MATN3: variants seen among roughly 807,000 people sequenced by gnomAD.
The protein encoded by MATN3 is matrilin 3, also known as matrilin-3.
MATN3 carries 48 observed loss-of-function variants against 45.3 expected under a neutral mutation model. That is an observed-to-expected ratio of 1.06 (90% CI 0.84 to 1.35). MATN3 has a LOEUF of 1.35. Among genes scored for constraint, MATN3 ranks in the 40% most tolerant of loss-of-function variants. The pLI, the probability that MATN3 is intolerant of heterozygous loss-of-function variation, is 0.00. For missense variants in MATN3, 599 were observed against 628.0 expected, an observed-to-expected ratio of 0.95 and a Z score of 0.49; for synonymous variants, 217 against 245.9, an observed-to-expected ratio of 0.88 and a Z score of 1.10.
chr2:20,008,284 T>C (rs1673151190), intron 1 of MATN3, among the ~76,000 whole-genome samples: 1 of 152,102 alleles, frequency 6.6e-6, no homozygotes, highest in South Asian at 2.1e-4. Flanking sequence ...TTTCAAGTCA[T>C]TCCCCCTTCT....
At chr2:20,010,192 G>A (rs1381477464) in intron 1 of MATN3, among the ~76,000 whole-genome samples, 1 of 150,444 alleles carries the variant, frequency 6.6e-6, no homozygotes, top group East Asian at 2.0e-4. Context: ...AAGTATTTTT[G>A]TATAATTAGA....
chr2:19,996,955 A>G (rs1672882367), intron 6 of MATN3, among the ~76,000 whole-genome samples, 179 bp downstream of exon 6: 1 of 152,216 alleles, frequency 6.6e-6, no homozygotes. Context: ...GAAACAGATC[A>G]TGGAGGGTAG....
intron 2 of MATN3, chr2:20,003,896 TC>T (rs1424040331): frequency 6.6e-6 from 1 of 152,204 alleles, no homozygotes; most frequent in Non-Finnish European, 1.5e-5. Context: ...CATAGTGAAC[TC>T]ATATGCTAAT....
At chr2:19,998,783 T>C (rs1572381800) in intron 5 of MATN3, among the ~76,000 whole-genome samples, 1 of 151,028 alleles carries the variant, frequency 6.6e-6, no homozygotes, top group Non-Finnish European at 1.5e-5. Context: ...AAAATATATA[T>C]ATATATAACT....
intron 5 of MATN3, 190 bp from the exon 6 acceptor site, chr2:19,997,449 C>G (rs1672898539): frequency 1.9e-6 from 1 of 535,946 alleles, no homozygotes; most frequent in Non-Finnish European, 3.3e-6. Context: ...TCCCTTTGGC[C>G]TCACATCACA....
chr2:20,000,416 A>T, intron 5 of MATN3, 25 bp downstream of exon 5: 2 of 1,583,476 alleles, frequency 1.3e-6, no homozygotes, highest in Non-Finnish European at 1.7e-6. Flanking sequence ...CCCAAGTATG[A>T]AAGAATTTTT....
intron 5 of MATN3, chr2:19,999,328 A>G (rs3795965): frequency 0.085 from 13,003 of 152,208 alleles, 645 homozygotes; most frequent in East Asian, 0.23. Flanking sequence ...TGAACAAATC[A>G]GCTCAAGCCA....
In MATN3 at chr2:20,003,209, C is replaced by T. The variant is rs1027447274; in HGVS notation, c.868G>A (p.Glu290Lys). 8.7e-6 allele frequency: 14 copies of T among 1,613,896 alleles called. No homozygotes were observed. The Admixed American group carries it at 1.5e-4, about 17-fold the overall frequency. ...TTCAAGGTGTATCCTTGGCTACACT[C>T]ACAGTGGTGCTTGCCTTCCCCATCA... Reference protein sequence around the residue: ...ISDGEGKHHCECSQGYTLNAD... With the variant: ...ISDGEGKHHCKCSQGYTLNAD... Residue 290 changes from glutamate to lysine, a missense_variant, in exon 3 of 8, where the codon GAG (glutamate) becomes AAG (lysine). Transcript: ENST00000407540.
At chr2:19,994,958 C>T (rs1672834489) in intron 6 of MATN3, among the ~76,000 whole-genome samples, 1 of 152,082 alleles carries the variant, frequency 6.6e-6, no homozygotes, top group African/African-American at 2.4e-5. Context: ...GGCATAGTGG[C>T]ACACACCTGT....
chr2:19,993,242 A>T, intron 7 of MATN3, 76 bp from the exon 8 acceptor site: 1 of 1,086,052 alleles, frequency 9.2e-7, no homozygotes, highest in Non-Finnish European at 1.4e-6. Flanking sequence ...ACACTTCACA[A>T]GATAAAATAA....
chr2:20,002,825 G>A (rs1473370174), intron 3 of MATN3, among the ~76,000 whole-genome samples: 1 of 151,474 alleles, frequency 6.6e-6, no homozygotes, highest in Admixed American at 6.6e-5. Flanking sequence ...GGCTAATCTC[G>A]AATTAGCCTC....
chr2:20,011,028 C>A (rs1315163949), intron 1 of MATN3, among the ~76,000 whole-genome samples: 4 of 152,262 alleles, frequency 2.6e-5, no homozygotes, highest in Non-Finnish European at 4.4e-5. Context: ...TTCCCATACT[C>A]ATAATACCAC....
intron 6 of MATN3, among the ~76,000 whole-genome samples, chr2:19,994,905 G>A (rs1441124494): frequency 6.6e-6 from 1 of 151,924 alleles, no homozygotes; most frequent in Non-Finnish European, 1.5e-5. Context: ...CCTGGGCAAC[G>A]AAGCAAGGCC....
Position 20,001,960 on chromosome 2 carries a change from C to G in MATN3, c.1037G>C (p.Cys346Ser). The G allele has an allele frequency of 3.1e-6, 5 of 1,613,034 alleles. No homozygotes were observed. Among genetic ancestry groups the G allele is most frequent in the Non-Finnish European group, 4.2e-6 (5 of 1,179,424 alleles). The change falls in exon 4 of 8, where the codon TGT becomes TCT. Residue 346 changes from cysteine to serine, a missense_variant. Physicochemically the swap from Cys to Ser is moderately radical, Grantham distance 112. Coordinates refer to ENST00000407540, the MANE Select transcript of MATN3 (RefSeq NM_002381.5). ...AAGACTCCTCCCTCACTTACCTGAA[C>G]AAGTTTTCCTGTCTTCATTCAAGGT... Reference protein sequence around the residue: ...GYTLNEDRKTCSAQDKCALGT... With the variant: ...GYTLNEDRKTSSAQDKCALGT...
intron 5 of MATN3, 87 bp from the exon 6 acceptor site, chr2:19,997,346 G>A: frequency 1.4e-6 from 2 of 1,403,594 alleles, no homozygotes; most frequent in Non-Finnish European, 1.9e-6. Flanking sequence ...GCTTCCATTT[G>A]GTCCCCACAA....
intron 1 of MATN3, among the ~76,000 whole-genome samples, chr2:20,007,221 A>G (rs1318705597): frequency 6.9e-6 from 1 of 145,802 alleles, no homozygotes; most frequent in Non-Finnish European, 1.5e-5. Flanking sequence ...AAACAAAACA[A>G]AAAAAAAAGT....
chr2:19,997,783 C>CAA (rs1672908449), intron 5 of MATN3: 2 of 152,408 alleles, frequency 1.3e-5, no homozygotes, highest in African/African-American at 4.8e-5. Context: ...CACACACACA[C>CAA]ACACACACAA....
At chr2:20,011,842 G>C (rs1673224900) in intron 1 of MATN3, among the ~76,000 whole-genome samples, 1 of 152,184 alleles carries the variant, frequency 6.6e-6, no homozygotes. Context: ...TCTGCTTCAG[G>C]AATCAATTGC....
intron 2 of MATN3, among the ~76,000 whole-genome samples, chr2:20,004,939 C>T (rs893197885): frequency 8.5e-5 from 13 of 152,156 alleles, no homozygotes; most frequent in African/African-American, 2.7e-4. Flanking sequence ...ATGAGTCCCA[C>T]AGATCATAAT....
Sources: allele counts gnomAD v4.1 joint callset (sites outside exome capture counted in the v4.1 genomes callset), GRCh38; gene constraint gnomAD v4.1.1; transcripts MANE v1.5; gene names NCBI Gene and HGNC (gene_info 2026-07-23, HGNC 2026-07-21).